GRM8: variants seen among roughly 807,000 people sequenced by gnomAD.
The protein encoded by GRM8 is metabotropic glutamate receptor 8.
Under a neutral mutation model 87.2 loss-of-function variants are expected in GRM8, and 47 were observed. The observed-to-expected ratio is 0.54, with a 90% CI of 0.43 to 0.69. GRM8 has a LOEUF of 0.69. Ranked by LOEUF, GRM8 falls within the 30% of genes least tolerant of loss-of-function variation. The pLI, the probability that GRM8 is intolerant of heterozygous loss-of-function variation, is 0.00. For synonymous variants in GRM8, 396 were observed against 404.5 expected (o/e 0.98, Z 0.25); for missense variants, 1,019 against 1,139.2 (o/e 0.89, Z 1.52).
At chr7:126,727,996 G>A (rs940647710) in intron 7 of GRM8, among the ~76,000 whole-genome samples, 3 of 152,066 alleles carry the variant, frequency 2.0e-5, no homozygotes, top group Non-Finnish European at 2.9e-5. Flanking sequence ...GAAAGGGGCG[G>A]AGCTACTAAG....
At chr7:127,165,558 T>C (rs1793403910) in intron 2 of GRM8, among the ~76,000 whole-genome samples, 1 of 152,058 alleles carries the variant, frequency 6.6e-6, no homozygotes, top group Non-Finnish European at 1.5e-5. Context: ...CATGTTGTCT[T>C]CCTAATACTG....
intron 3 of GRM8, among the ~76,000 whole-genome samples, chr7:127,061,846 A>C (rs183749044): frequency 6.6e-6 from 1 of 152,200 alleles, no homozygotes; most frequent in South Asian, 2.1e-4. Flanking sequence ...TCCATACTGG[A>C]TGTTCTTTAT....
intron 8 of GRM8, among the ~76,000 whole-genome samples, chr7:126,608,924 T>C (rs1037020368): frequency 1.3e-5 from 2 of 152,020 alleles, no homozygotes; most frequent in East Asian, 3.9e-4. Flanking sequence ...CCACCACCCC[T>C]GGCTAATTTT....
At chr7:126,566,559 G>A (rs985662402) in intron 8 of GRM8, among the ~76,000 whole-genome samples, 2 of 152,106 alleles carry the variant, frequency 1.3e-5, no homozygotes, top group African/African-American at 4.8e-5. Flanking sequence ...GGAGAAACTG[G>A]AACCCTTGCA....
intron 9 of GRM8, among the ~76,000 whole-genome samples, chr7:126,476,780 T>C (rs1337576546): frequency 6.6e-6 from 1 of 151,948 alleles, no homozygotes; most frequent in Admixed American, 6.6e-5. Context: ...AGGAAAACAT[T>C]GCACACTGTT....
intron 6 of GRM8, among the ~76,000 whole-genome samples, chr7:126,805,980 T>G (rs578096268): frequency 7.5e-4 from 114 of 152,286 alleles, no homozygotes; most frequent in African/African-American, 2.4e-3. Context: ...ATTTTGTTTT[T>G]GGGGTCCTGA....
chr7:126,633,527 C>A (rs1401432658), intron 7 of GRM8, among the ~76,000 whole-genome samples: 3 of 152,052 alleles, frequency 2.0e-5, no homozygotes, highest in African/African-American at 7.2e-5. Flanking sequence ...ATGACAAAAT[C>A]TTTTTGATTA....
Position 127,198,816 on chromosome 7 carries a change from A to G in GRM8, c.510+43879T>C, listed in dbSNP as rs542365090. Among the ~76,000 whole-genome samples, 160 of 149,954 alleles carry G rather than the reference A, an allele frequency of 1.1e-3. 1 individual carries two copies. The highest frequency in any genetic ancestry group is 3.9e-3 in the African/African-American group (159 of 40,710). ...CAGCTTCCCAAGTAGCTGAGATTACAGGCAAGCACCACCGTGCCTAATTTT... is the reference window on the plus strand; with the variant it reads ...CAGCTTCCCAAGTAGCTGAGATTACGGGCAAGCACCACCGTGCCTAATTTT... On this transcript the variant is annotated intron_variant, in intron 2 of 10. Coordinates refer to ENST00000339582, the MANE Select transcript of GRM8 (RefSeq NM_000845.3).
intron 3 of GRM8, among the ~76,000 whole-genome samples, chr7:126,988,049 A>C (rs1229820601): frequency 6.7e-6 from 1 of 150,294 alleles, no homozygotes; most frequent in Non-Finnish European, 1.5e-5. Context: ...GTGTTTCAAA[A>C]TTAAAGACAC....
Position 126,828,585 on chromosome 7 carries a change from T to C in GRM8, c.1157-58520A>G, listed in dbSNP as rs1002394054. On this transcript the variant is annotated intron_variant, in intron 6 of 10. Coordinates refer to ENST00000339582, the MANE Select transcript of GRM8 (RefSeq NM_000845.3). ...CCCCTTTATCATTTTTTATTGCATC[T>C]ATTTGATTCTTCTTTTTTTCTTTAT... Among the ~76,000 whole-genome samples the C allele has an allele frequency of 3.9e-5, 6 of 152,330 alleles. No homozygotes were observed. In the East Asian group the frequency reaches 1.2e-3, roughly 29 times the overall value.
rs1427118439 is a variant in GRM8 at position 127,122,467 on chromosome 7, A to AT, written c.511-15756dup. Among the ~76,000 whole-genome samples the AT allele has an allele frequency of 2.3e-5, 3 of 131,154 alleles. No homozygotes were observed. In the South Asian group the frequency reaches 6.9e-4, roughly 30 times the overall value. 86.0% of individuals were successfully genotyped at this position (131,154 alleles called of 152,430 possible). Reference sequence around the variant, plus strand: ...GTATGTAAATATCATTAGGCTTTCTATTTAAAAAAAAAAATGGAAAAAGAA... The same window carrying AT: ...GTATGTAAATATCATTAGGCTTTCTATTTTAAAAAAAAAAATGGAAAAAGAA... On this transcript the variant is annotated intron_variant, in intron 2 of 10. Coordinates refer to ENST00000339582, the MANE Select transcript of GRM8 (RefSeq NM_000845.3).
At chr7:126,622,999 A>T (rs1010036590) in intron 7 of GRM8, among the ~76,000 whole-genome samples, 1 of 152,188 alleles carries the variant, frequency 6.6e-6, no homozygotes, top group African/African-American at 2.4e-5. Flanking sequence ...ATTCTTACAT[A>T]TTTCCAAACA....
chr7:127,230,287 C>T (rs528299027), intron 2 of GRM8, among the ~76,000 whole-genome samples: 1 of 152,198 alleles, frequency 6.6e-6, no homozygotes, highest in South Asian at 2.1e-4. Flanking sequence ...ATTTTTAATC[C>T]TCCTAGAGAC....
chr7:127,098,709 A>G (rs1306649402), intron 3 of GRM8, among the ~76,000 whole-genome samples: 1 of 152,202 alleles, frequency 6.6e-6, no homozygotes, highest in Non-Finnish European at 1.5e-5. Context: ...GTCCCTTCCA[A>G]CTCTAAGATG....
At chr7:126,995,059 A>C (rs565335808) in intron 3 of GRM8, among the ~76,000 whole-genome samples, 10 of 152,320 alleles carry the variant, frequency 6.6e-5, no homozygotes, top group South Asian at 2.1e-4. Context: ...GAAAGACTTC[A>C]TTTGTTTAAA....
chr7:126,571,110 G>T (rs1169400136), intron 8 of GRM8, among the ~76,000 whole-genome samples: 1 of 152,056 alleles, frequency 6.6e-6, no homozygotes, highest in Non-Finnish European at 1.5e-5. Flanking sequence ...GCCCTTCTCA[G>T]TCTAAGTATG....
chr7:127,125,505 C>T (rs1036145221), intron 2 of GRM8, among the ~76,000 whole-genome samples: 1 of 151,790 alleles, frequency 6.6e-6, no homozygotes, highest in African/African-American at 2.4e-5. Context: ...CGCAAGGATA[C>T]AAAAATACTA....
Position 127,059,315 on chromosome 7 carries a change from A to C in GRM8, c.727+47181T>G, listed in dbSNP as rs1354817588. ...TTTTCTCAAAATGATTGGTTCATAT[A>C]AATTTTTTTTTTTTGCTTTTTTTTT... On this transcript the variant is annotated intron_variant, in intron 3 of 10. Coordinates refer to ENST00000339582, the MANE Select transcript of GRM8 (RefSeq NM_000845.3). 3.3e-5 allele frequency among the ~76,000 whole-genome samples: 5 copies of C among 150,032 alleles called. No individual in the cohort carries two copies. The East Asian group carries it at 9.7e-4, about 29-fold the overall frequency.
intron 3 of GRM8, among the ~76,000 whole-genome samples, chr7:126,912,890 G>A (rs1277224261): frequency 1.3e-5 from 2 of 152,116 alleles, no homozygotes; most frequent in African/African-American, 2.4e-5. Context: ...TTTCAAAGAC[G>A]TCTTGTTGCA....
Sources: gnomAD v4.1 joint callset for allele counts (sites outside exome capture counted in the v4.1 genomes callset) on GRCh38, gnomAD v4.1.1 for gene constraint, MANE v1.5 for transcripts, NCBI Gene and HGNC (gene_info 2026-07-23, HGNC 2026-07-21) for gene names.